The following ANTXR2 variants were observed in gnomAD, a reference collection of about 807,000 sequenced individuals.
The protein encoded by ANTXR2 is anthrax toxin receptor 2.
Under a neutral mutation model 73.7 loss-of-function variants are expected in ANTXR2, and 44 were observed. That is an observed-to-expected ratio of 0.60 (90% CI 0.47 to 0.77). ANTXR2 has a LOEUF of 0.77. Ranked by LOEUF, ANTXR2 falls within the 30% of genes least tolerant of loss-of-function variation. The pLI is 0.00. For missense variants in ANTXR2, 604 were observed against 592.5 expected (o/e 1.02, Z -0.20); for synonymous variants, 217 against 205.9 (o/e 1.05, Z -0.46).
intron 2 of ANTXR2, among the ~76,000 whole-genome samples, chr4:80,070,982 T>C (rs771878600): frequency 3.3e-5 from 5 of 152,220 alleles, no homozygotes; most frequent in Non-Finnish European, 7.3e-5. Context: ...TAAGCTGGAT[T>C]TCATACCAGT....
At chr4:79,991,330 C>T (rs920180928) in intron 12 of ANTXR2, among the ~76,000 whole-genome samples, 1 of 151,882 alleles carries the variant, frequency 6.6e-6, no homozygotes, top group Non-Finnish European at 1.5e-5. Context: ...ATATACAAGG[C>T]CAACAAGCTT....
At chr4:79,977,856 T>C in intron 15 of ANTXR2, 151 bp downstream of exon 15, 1 of 1,207,030 alleles carries the variant, frequency 8.3e-7, no homozygotes, top group Non-Finnish European at 1.2e-6. Context: ...GAGGTTCTTA[T>C]TGCCAAGAAA....
At chr4:79,977,461 T>G in intron 16 of ANTXR2, 160 bp downstream of exon 16, 1 of 1,368,458 alleles carries the variant, frequency 7.3e-7, no homozygotes, top group Non-Finnish European at 9.6e-7. Flanking sequence ...TAACAATAGG[T>G]AATTTATAGA....
chr4:79,907,010 A>C lies in ANTXR2; in HGVS notation c.*419T>G, dbSNP rs953872349. The C allele has an allele frequency of 9.1e-6, 2 of 219,394 alleles. No homozygotes were observed. The highest frequency in any genetic ancestry group is 2.4e-5 in the African/African-American group (1 of 42,066). 13.6% of individuals were successfully genotyped at this position (219,394 alleles called of 1,614,324 possible). On this transcript the variant is annotated 3_prime_UTR_variant, in exon 17 of 17. Transcript: ENST00000403729. ...GATAAAGATCTTGCCACATAAAAAC[A>C]CAAGTGCCATGTTTCCATGTAAAAA... is the stretch of plus-strand genomic sequence containing the variant.
chr4:80,017,802 C>T (rs1731946363), intron 11 of ANTXR2, among the ~76,000 whole-genome samples: 1 of 152,130 alleles, frequency 6.6e-6, no homozygotes, highest in African/African-American at 2.4e-5. Context: ...GCAACATCCA[C>T]AAAATCTACA....
chr4:80,028,638 A>G (rs1331728913), intron 10 of ANTXR2, among the ~76,000 whole-genome samples: 2 of 152,242 alleles, frequency 1.3e-5, no homozygotes, highest in Non-Finnish European at 2.9e-5. Context: ...CTCACACAGG[A>G]AAAACCTTCA....
intron 14 of ANTXR2, among the ~76,000 whole-genome samples, chr4:79,980,071 T>A (rs747859288): frequency 6.6e-6 from 1 of 152,130 alleles, no homozygotes; most frequent in Non-Finnish European, 1.5e-5. Context: ...ATTAAAAAAA[T>A]ATATATATGA....
rs1248323663 is a variant in ANTXR2 at position 79,906,292 on chromosome 4, T to C, written c.*1137A>G. On this transcript the variant is annotated 3_prime_UTR_variant, in exon 17 of 17. Coordinates refer to ENST00000403729, the MANE Select transcript of ANTXR2 (RefSeq NM_058172.6). ...CTACTGAATCATAACCAAGGTAGAG[T>C]GCCCCTCAAAATCCAAGTAATGCGC... 1 of 152,434 alleles carries C rather than the reference T, an allele frequency of 6.6e-6. No individual in the cohort carries two copies. The highest frequency in any genetic ancestry group is 6.6e-5 in the Admixed American group (1 of 15,244). The allele number at this position is 152,434 out of a possible 1,614,324, so 9.4% of individuals were successfully genotyped here. A position where few individuals can be genotyped will look rare whatever the true frequency, so the allele number is the denominator to read the frequency against.
intron 12 of ANTXR2, among the ~76,000 whole-genome samples, chr4:79,999,090 T>C (rs1290059538): frequency 6.6e-6 from 1 of 152,090 alleles, no homozygotes; most frequent in Non-Finnish European, 1.5e-5. Context: ...ATTAAAAGCA[T>C]CTTGGCTGAC....
chr4:79,946,591 C>T (rs997403792), intron 16 of ANTXR2, among the ~76,000 whole-genome samples: 3 of 152,136 alleles, frequency 2.0e-5, no homozygotes, highest in African/African-American at 7.2e-5. Context: ...AGGGGCTCAA[C>T]TGCAAATTGT....
intron 2 of ANTXR2, among the ~76,000 whole-genome samples, chr4:80,069,997 A>G (rs1734709069): frequency 3.3e-5 from 5 of 152,230 alleles, no homozygotes; most frequent in Admixed American, 3.3e-4. Context: ...ATGTGAAAGA[A>G]ACAATAAATC....
At chr4:79,927,057 G>GTA (rs1727840385) in intron 16 of ANTXR2, among the ~76,000 whole-genome samples, 2 of 96,744 alleles carry the variant, frequency 2.1e-5, no homozygotes, top group South Asian at 1.1e-3. Context: ...GTGCGTGTGT[G>GTA]TGTGTATATA....
rs1726761681 is a variant in ANTXR2, at chr4:79,902,869, G to A, written c.*4560C>T. ...CCATATTAATAGAAATGTAGTCAGA[G>A]GCCTGGTGCAGTAGCTTGTGCCTGT... is the stretch of plus-strand genomic sequence containing the variant. On this transcript the variant is annotated 3_prime_UTR_variant, in exon 17 of 17. Coordinates refer to ENST00000403729, the MANE Select transcript of ANTXR2 (RefSeq NM_058172.6). 1 of 152,028 alleles carries A rather than the reference G, an allele frequency of 6.6e-6. No individual in the cohort carries two copies. 9.4% of individuals were successfully genotyped at this position (152,028 alleles called of 1,614,324 possible).
chr4:80,029,449 G>A (rs574308501), intron 10 of ANTXR2, among the ~76,000 whole-genome samples: 15 of 151,908 alleles, frequency 9.9e-5, no homozygotes, highest in East Asian at 5.8e-4. Flanking sequence ...CTTTCAGATC[G>A]TTATGTTAAC....
chr4:80,011,117 G>C (rs1731553715), intron 11 of ANTXR2, among the ~76,000 whole-genome samples: 1 of 151,574 alleles, frequency 6.6e-6, no homozygotes, highest in Non-Finnish European at 1.5e-5. Flanking sequence ...ACGCACTCCA[G>C]CCTGGGCGAC....
chr4:79,964,761 A>C (rs4690130), intron 16 of ANTXR2: 84,280 of 152,168 alleles, frequency 0.55, 26,217 homozygotes, highest in East Asian at 0.96. Context: ...TAGCTGCGGG[A>C]TGGGGAGGCC....
chr4:79,977,889 C>A (rs906036830), intron 15 of ANTXR2, 118 bp downstream of exon 15: 1 of 1,287,938 alleles, frequency 7.8e-7, no homozygotes, highest in Non-Finnish European at 1.1e-6. Flanking sequence ...TAAGAGTGTA[C>A]AATGAATATC....
intron 16 of ANTXR2, among the ~76,000 whole-genome samples, chr4:79,951,632 T>C (rs1728715433): frequency 6.6e-6 from 1 of 151,580 alleles, no homozygotes. Flanking sequence ...AAACGGGACT[T>C]AGATTTATTC....
intron 10 of ANTXR2, among the ~76,000 whole-genome samples, chr4:80,023,373 ATCAC>A (rs1434898517): frequency 6.6e-6 from 1 of 152,216 alleles, no homozygotes; most frequent in African/African-American, 2.4e-5. Flanking sequence ...TGCCAATAAA[ATCAC>A]TCAATCAGTC....
Sources: allele counts gnomAD v4.1 joint callset (sites outside exome capture counted in the v4.1 genomes callset), GRCh38; gene constraint gnomAD v4.1.1; transcripts MANE v1.5; gene names NCBI Gene and HGNC (gene_info 2026-07-23, HGNC 2026-07-21).